MEGF10: variants seen among roughly 807,000 people sequenced by gnomAD.
MEGF10 encodes the protein multiple epidermal growth factor-like domains protein 10.
MEGF10 carries 86 observed loss-of-function variants against 147.5 expected under a neutral mutation model. That is an observed-to-expected ratio of 0.58 (90% CI 0.49 to 0.70). The LOEUF (loss-of-function observed/expected upper bound fraction) is 0.70. Ranked by LOEUF, MEGF10 falls within the 30% of genes least tolerant of loss-of-function variation. The pLI, the probability that MEGF10 is intolerant of heterozygous loss-of-function variation, is 0.00. For missense variants in MEGF10, 1,329 were observed against 1,487.3 expected (o/e 0.89, Z 1.75); for synonymous variants, 478 against 525.5 (o/e 0.91, Z 1.24).
chr5:127,432,127 T>A (rs1765402831), intron 13 of MEGF10, among the ~76,000 whole-genome samples: 1 of 152,200 alleles, frequency 6.6e-6, no homozygotes. Flanking sequence ...TGGGTCAAGC[T>A]AGACACAATG....
the MEGF10 span, among the ~76,000 whole-genome samples, chr5:127,238,439 C>T: frequency 3.3e-5 from 5 of 152,170 alleles, no homozygotes; most frequent in African/African-American, 1.2e-4. Flanking sequence ...TCTCTGGAAA[C>T]ATTACCATCA....
intron 9 of MEGF10, among the ~76,000 whole-genome samples, chr5:127,415,355 T>C (rs1764718968): frequency 6.6e-6 from 1 of 152,214 alleles, no homozygotes; most frequent in African/African-American, 2.4e-5. Flanking sequence ...TTAAACAGTC[T>C]GGATTTTTTT....
intron 13 of MEGF10, chr5:127,424,210 C>T (rs991972258): frequency 1.6e-4 from 97 of 606,454 alleles, no homozygotes; most frequent in African/African-American, 3.9e-4. Flanking sequence ...TTCTGGACTC[C>T]GTATTTCATT....
At chr5:127,233,002 T>C in the MEGF10 span, among the ~76,000 whole-genome samples, 5 of 152,174 alleles carry the variant, frequency 3.3e-5, no homozygotes, top group Admixed American at 2.0e-4. Flanking sequence ...GTCATTTGGG[T>C]GTTCTCTCTT....
chr5:127,243,708 C>T, the MEGF10 span, among the ~76,000 whole-genome samples: 2 of 151,988 alleles, frequency 1.3e-5, no homozygotes, highest in Non-Finnish European at 2.9e-5. Flanking sequence ...TTACCTATAT[C>T]GATGAAGCTC....
intron 5 of MEGF10, among the ~76,000 whole-genome samples, chr5:127,388,257 T>C (rs907520623): frequency 2.6e-5 from 4 of 151,932 alleles, no homozygotes; most frequent in Admixed American, 6.6e-5. Context: ...CAAGCAATCC[T>C]TCCTCCTCAG....
intron 1 of MEGF10, 142 bp downstream of exon 1, chr5:127,291,198 G>A (rs113558663): frequency 0.034 from 5,172 of 152,374 alleles, 142 homozygotes; most frequent in South Asian, 0.082. Flanking sequence ...CTCAGTCTGC[G>A]TTGTTCATGC....
chr5:127,313,354 A>G (rs554832178), intron 1 of MEGF10, among the ~76,000 whole-genome samples: 2 of 152,346 alleles, frequency 1.3e-5, no homozygotes, highest in Admixed American at 1.3e-4. Context: ...GGTACCTCCA[A>G]GAGAATTTGT....
At chr5:127,360,784 A>G (rs1258241607) in intron 4 of MEGF10, among the ~76,000 whole-genome samples, 1 of 151,804 alleles carries the variant, frequency 6.6e-6, no homozygotes, top group Non-Finnish European at 1.5e-5. Flanking sequence ...GGTTATATAT[A>G]TGTATATGAA....
At chr5:127,243,705 T>C in the MEGF10 span, among the ~76,000 whole-genome samples, 20 of 152,240 alleles carry the variant, frequency 1.3e-4, no homozygotes, top group African/African-American at 4.8e-4. Flanking sequence ...TTTTTACCTA[T>C]ATCGATGAAG....
intron 13 of MEGF10, among the ~76,000 whole-genome samples, chr5:127,430,451 C>G (rs1286693567): frequency 6.6e-6 from 1 of 152,146 alleles, no homozygotes; most frequent in African/African-American, 2.4e-5. Flanking sequence ...ACATGGAAGT[C>G]ACATCAGCAG....
chr5:127,399,846 A>C (rs867901820), intron 7 of MEGF10, among the ~76,000 whole-genome samples: 10 of 152,184 alleles, frequency 6.6e-5, no homozygotes, highest in African/African-American at 2.4e-4. Context: ...TTTTCTCACC[A>C]TAAATCCACT....
At chr5:127,374,353 A>G (rs947918944) in intron 5 of MEGF10, among the ~76,000 whole-genome samples, 3 of 152,244 alleles carry the variant, frequency 2.0e-5, no homozygotes, top group South Asian at 4.1e-4. Context: ...CCAACCAGCA[A>G]TAGAAAAATA....
chr5:127,247,645 A>G, the MEGF10 span, among the ~76,000 whole-genome samples: 2 of 152,224 alleles, frequency 1.3e-5, no homozygotes, highest in East Asian at 3.9e-4. Flanking sequence ...CATTTTAGGC[A>G]TTGGAAAATT....
At chr5:127,387,682 G>T (rs779727136) in intron 5 of MEGF10, among the ~76,000 whole-genome samples, 1 of 152,194 alleles carries the variant, frequency 6.6e-6, no homozygotes, top group Non-Finnish European at 1.5e-5. Context: ...ACGCCAAGTG[G>T]CTTTGAGCAA....
intron 9 of MEGF10, among the ~76,000 whole-genome samples, chr5:127,411,031 G>GA (rs57542916): frequency 1.3e-5 from 2 of 150,750 alleles, no homozygotes; most frequent in African/African-American, 2.4e-5. Context: ...ATCTGTGGAA[G>GA]AAAAAAAAAG....
chr5:127,238,509 G>A, the MEGF10 span, among the ~76,000 whole-genome samples: 2 of 152,166 alleles, frequency 1.3e-5, no homozygotes, highest in Admixed American at 1.3e-4. Context: ...GCAACCCAGT[G>A]TTGACACCAG....
chr5:127,292,764 A>G (rs1444543925), intron 1 of MEGF10, among the ~76,000 whole-genome samples: 1 of 152,196 alleles, frequency 6.6e-6, no homozygotes, highest in Non-Finnish European at 1.5e-5. Context: ...CCTTTACATT[A>G]ATATACTTTC....
chr5:127,352,963 G>A (rs1013424913), intron 4 of MEGF10, among the ~76,000 whole-genome samples: 2 of 152,178 alleles, frequency 1.3e-5, no homozygotes, highest in Non-Finnish European at 2.9e-5. Flanking sequence ...TGCACTCATC[G>A]ACATCACGGA....
Sources: gnomAD v4.1 joint callset for allele counts (sites outside exome capture counted in the v4.1 genomes callset) on GRCh38, gnomAD v4.1.1 for gene constraint, MANE v1.5 for transcripts, NCBI Gene and HGNC (gene_info 2026-07-23, HGNC 2026-07-21) for gene names.